Variants in FAM178B observed in about 807,000 individuals in gnomAD.
The protein encoded by FAM178B is family with sequence similarity 178 member B, also known as protein FAM178B.
Under a neutral mutation model 91.7 loss-of-function variants are expected in FAM178B, and 82 were observed. That is an observed-to-expected ratio of 0.89 (90% CI 0.75 to 1.07). FAM178B has a LOEUF of 1.07. Ranked by LOEUF, FAM178B falls within the 50% of genes least tolerant of loss-of-function variation. The probability of loss-of-function intolerance (pLI) is 0.00; values close to 1 mark genes in which losing one functional copy is unlikely to be tolerated. For missense variants in FAM178B, 769 were observed against 846.7 expected (o/e 0.91, Z 1.14); for synonymous variants, 368 against 359.4 (o/e 1.02, Z -0.27).
In FAM178B at chr2:96,890,255, G is replaced by A. The variant is rs529820455; in HGVS notation, c.1776+3671C>T. Among the ~76,000 whole-genome samples the A allele has an allele frequency of 1.4e-3, 207 of 152,250 alleles. 1 individual carries two copies. Among genetic ancestry groups the A allele is most frequent in the African/African-American group, 4.6e-3 (192 of 41,536 alleles). Reference sequence around the variant, plus strand: ...CAGTCAGTCACTGCACTCCAGCCTAGGCGACAGAGCAAGACTCCGTCTCAA... The same window carrying A: ...CAGTCAGTCACTGCACTCCAGCCTAAGCGACAGAGCAAGACTCCGTCTCAA... On this transcript the variant is annotated intron_variant, in intron 14 of 16. Coordinates refer to ENST00000490605, the MANE Select transcript of FAM178B (RefSeq NM_001122646.3).
At chr2:96,936,517 T>G (rs1199085046) in intron 8 of FAM178B, among the ~76,000 whole-genome samples, 23 of 95,882 alleles carry the variant, frequency 2.4e-4, no homozygotes, top group African/African-American at 2.1e-3. Context: ...TTTTGGTTGT[T>G]TTTTTTTTTT....
At chr2:96,952,730 G>A (rs1051387582) in intron 6 of FAM178B, among the ~76,000 whole-genome samples, 5 of 152,130 alleles carry the variant, frequency 3.3e-5, no homozygotes, top group African/African-American at 1.2e-4. Flanking sequence ...ATTCTCCTAC[G>A]TCCTGCGCAT....
chr2:96,899,534 C>G (rs1026961841), intron 13 of FAM178B, among the ~76,000 whole-genome samples: 4 of 151,312 alleles, frequency 2.6e-5, no homozygotes, highest in Admixed American at 2.0e-4. Flanking sequence ...CAGGATCTCT[C>G]AAGGGGAGGC....
intron 12 of FAM178B, among the ~76,000 whole-genome samples, chr2:96,912,233 T>C (rs1294228967): frequency 6.6e-6 from 1 of 152,008 alleles, no homozygotes; most frequent in African/African-American, 2.4e-5. Context: ...GGAAGATCTT[T>C]GTGTCTCAGC....
At chr2:96,968,608 C>T (rs1374000178) in intron 4 of FAM178B, among the ~76,000 whole-genome samples, 1 of 152,118 alleles carries the variant, frequency 6.6e-6, no homozygotes, top group Non-Finnish European at 1.5e-5. Context: ...TGACTGGGCC[C>T]CTCCAATGAC....
intron 1 of FAM178B, among the ~76,000 whole-genome samples, chr2:96,981,746 A>AG (rs2082364501): frequency 8.1e-6 from 1 of 122,762 alleles, no homozygotes; most frequent in African/African-American, 2.9e-5. Flanking sequence ...GTCTCAAAAA[A>AG]AAAAAAAAAA....
intron 14 of FAM178B, among the ~76,000 whole-genome samples, chr2:96,885,261 G>C (rs368330765): frequency 4.6e-5 from 7 of 152,394 alleles, no homozygotes; most frequent in African/African-American, 1.7e-4. Context: ...TGGGTAGAGA[G>C]GTGGGTGTCT....
intron 1 of FAM178B, among the ~76,000 whole-genome samples, chr2:96,975,015 C>G (rs1417889712): frequency 7.3e-6 from 1 of 136,232 alleles, no homozygotes; most frequent in Non-Finnish European, 1.5e-5. Flanking sequence ...CGTTTGAACC[C>G]GGGAGGCGGA....
chr2:96,884,291 C>G (rs1419972048), intron 14 of FAM178B, among the ~76,000 whole-genome samples: 1 of 152,206 alleles, frequency 6.6e-6, no homozygotes, highest in African/African-American at 2.4e-5. Context: ...CAGCCTTCAG[C>G]AGGACAAGCT....
At chr2:96,957,020 C>T (rs970790929) in intron 6 of FAM178B, among the ~76,000 whole-genome samples, 7 of 64,848 alleles carry the variant, frequency 1.1e-4, no homozygotes, top group Admixed American at 4.6e-4. Context: ...TCACCCATGG[C>T]TCATTTTTTT....
chr2:96,878,150 G>A, intron 15 of FAM178B, 108 bp from the exon 16 acceptor site: 3 of 1,237,644 alleles, frequency 2.4e-6, no homozygotes, highest in Non-Finnish European at 3.5e-6. Flanking sequence ...ACATTTGAGT[G>A]ACTGTTCAGA....
chr2:96,883,720 G>A (rs1002563471), intron 14 of FAM178B, among the ~76,000 whole-genome samples: 7 of 152,204 alleles, frequency 4.6e-5, no homozygotes, highest in African/African-American at 1.7e-4. Context: ...AGGCCCAGGG[G>A]CTCACCCCCA....
At chr2:96,964,076 A>C (rs2153375135) in intron 5 of FAM178B, among the ~76,000 whole-genome samples, 1 of 152,238 alleles carries the variant, frequency 6.6e-6, no homozygotes, top group African/African-American at 2.4e-5. Context: ...GCTTCTCGGG[A>C]GGCTGAAGCA....
intron 12 of FAM178B, among the ~76,000 whole-genome samples, chr2:96,908,778 G>A (rs1472850366): frequency 1.3e-5 from 2 of 149,972 alleles, no homozygotes; most frequent in Non-Finnish European, 2.9e-5. Context: ...AGGTACACAT[G>A]AACAATCATA....
intron 12 of FAM178B, among the ~76,000 whole-genome samples, chr2:96,920,683 T>C (rs1026497656): frequency 2.0e-5 from 3 of 152,182 alleles, no homozygotes; most frequent in Non-Finnish European, 4.4e-5. Context: ...GCAGTGACCC[T>C]GACAAGGTAG....
At chr2:96,908,963 T>C (rs1427795275) in intron 12 of FAM178B, among the ~76,000 whole-genome samples, 5 of 151,720 alleles carry the variant, frequency 3.3e-5, no homozygotes, top group Non-Finnish European at 7.4e-5. Flanking sequence ...GCCAACATGG[T>C]GAAACCCCGT....
intron 6 of FAM178B, among the ~76,000 whole-genome samples, chr2:96,959,199 G>GGAAAAAAAAA (rs1273953141): frequency 2.4e-5 from 2 of 82,122 alleles, no homozygotes; most frequent in African/African-American, 6.5e-5. Flanking sequence ...ACTCAGTTTT[G>GGAAAAAAAAA]AAAAAAAAAA....
chr2:96,980,327 C>T (rs561099422), intron 1 of FAM178B, among the ~76,000 whole-genome samples: 11 of 150,966 alleles, frequency 7.3e-5, no homozygotes, highest in East Asian at 2.0e-4. Context: ...CCTCCCACCT[C>T]GGCCTCCCAA....
intron 4 of FAM178B, among the ~76,000 whole-genome samples, chr2:96,969,014 G>T (rs901580583): frequency 2.0e-5 from 3 of 152,096 alleles, no homozygotes; most frequent in African/African-American, 7.2e-5. Flanking sequence ...TTCTTGCAAG[G>T]TTCAGTGACA....
Sources: gnomAD v4.1 joint callset for allele counts (sites outside exome capture counted in the v4.1 genomes callset) on GRCh38, gnomAD v4.1.1 for gene constraint, MANE v1.5 for transcripts, NCBI Gene and HGNC (gene_info 2026-07-23, HGNC 2026-07-21) for gene names.